Variants in HECTD3 observed in about 807,000 individuals in gnomAD.
HECTD3 encodes E3 ubiquitin-protein ligase HECTD3.
HECTD3 carries 72 observed loss-of-function variants against 109.3 expected under a neutral mutation model. The ratio of observed to expected loss-of-function variants is 0.66; its 90% CI spans 0.54 to 0.80. The LOEUF (loss-of-function observed/expected upper bound fraction) is 0.80, where lower values mean the gene tolerates loss of function less well. Among genes scored for constraint, HECTD3 ranks in the 30% least tolerant of loss-of-function variants. HECTD3 has a pLI of 0.00. For missense variants in HECTD3, 1,041 were observed against 1,165.2 expected (o/e 0.89, Z 1.55); for synonymous variants, 481 against 471.8 (o/e 1.02, Z -0.25).
Position 45,006,605 on chromosome 1 carries a change from T to G in HECTD3, c.1725+87A>C. 4.3e-6 allele frequency: 5 copies of G among 1,157,502 alleles called. No homozygotes were observed. The highest frequency in any genetic ancestry group is 2.9e-5 in the South Asian group (2 of 70,140). The allele number at this position is 1,157,502 out of a possible 1,614,324, so 71.7% of individuals were successfully genotyped here. A position where few individuals can be genotyped will look rare whatever the true frequency, so the allele number is the denominator to read the frequency against. Reference sequence around the variant, plus strand: ...GCGTGAGCCACTGTGCCTGCCCCCTTTCTAGCTCAATCTGGCCCCCTCCTC... The same window carrying G: ...GCGTGAGCCACTGTGCCTGCCCCCTGTCTAGCTCAATCTGGCCCCCTCCTC... On this transcript the variant is annotated intron_variant, in intron 13 of 20. Transcript: ENST00000372172. The surrounding 1 kb of genome is among the most constrained non-coding windows in gnomAD (Gnocchi z 4.7).
intron 9 of HECTD3, 52 bp downstream of exon 9, chr1:45,008,188 A>T: frequency 7.1e-7 from 1 of 1,400,774 alleles, no homozygotes; most frequent in Non-Finnish European, 1.0e-6. Flanking sequence ...ATGAACAACT[A>T]CGTGAGCAGG....
In HECTD3 at chr1:45,004,801, C is replaced by T. The variant is rs746104281; in HGVS notation, c.1941G>A (p.Lys647=). 3 of 1,614,116 alleles carry T rather than the reference C, an allele frequency of 1.9e-6. No individual in the cohort carries two copies. Among genetic ancestry groups the T allele is most frequent in the Admixed American group, 3.3e-5 (2 of 60,024 alleles). ...CCATTCCTTCCATCACTTCCAGGAGCTTCACCTAGGGGTTGGAGAGAGGCA... is the reference window on the plus strand; with the variant it reads ...CCATTCCTTCCATCACTTCCAGGAGTTTCACCTAGGGGTTGGAGAGAGGCA... ...DFPAVDSVLV[K]LLEVMEGMDK... Residue 647 remains lysine, a synonymous_variant, in exon 16 of 21, where the codon AAG becomes AAA. Transcript: ENST00000372172.
Position 45,011,014 on chromosome 1 carries a change from G to A in HECTD3, c.244C>T (p.Pro82Ser), listed in dbSNP as rs774712115. 2.1e-6 allele frequency: 3 copies of A among 1,436,612 alleles called. No individual in the cohort carries two copies. Among genetic ancestry groups the A allele is most frequent in the South Asian group, 1.4e-5 (1 of 69,854 alleles). The allele number at this position is 1,436,612 out of a possible 1,614,324, so 89.0% of individuals were successfully genotyped here. Residue 82 changes from proline to serine, a missense_variant, in exon 1 of 21, where the codon CCC (proline) becomes TCC (serine). Transcript: ENST00000372172. ...GLRVGAAGPA[P>S]GTGSGPLRAA... ...CGGAGGGGCCCGGAGCCGGTACCGG[G>A]GGCTGGGCCTGCGGCGCCCACACGC...
At chr1:45,008,139 G>T in intron 9 of HECTD3, 101 bp downstream of exon 9, 1 of 885,006 alleles carries the variant, frequency 1.1e-6, no homozygotes, top group Non-Finnish European at 1.8e-6. Context: ...CCCAGCAAAG[G>T]TCTTGCCCTA....
At position 45,004,657 on chromosome 1, in the gene HECTD3, G is replaced by A. The variant is rs757083355; in HGVS notation, c.2085C>T (p.Asp695=). Residue 695 remains aspartate, a synonymous_variant, in exon 16 of 21, where the codon GAC becomes GAT. Transcript: ENST00000372172. ...GGACCAGTTGGATGAAACGAGAACG[G>A]TCCCCATATCCCACGACGATGCCTG... ...GGAGIVVGYG[D]RSRFIQLVQK... is the part of the protein sequence containing the mutation. The A allele has an allele frequency of 3.1e-6, 5 of 1,614,150 alleles. No individual in the cohort carries two copies. The South Asian group carries it at 5.5e-5, about 18-fold the overall frequency.
At chr1:45,004,509 T>G (rs920144720) in intron 16 of HECTD3, 91 bp downstream of exon 16, 2 of 1,589,386 alleles carry the variant, frequency 1.3e-6, no homozygotes, top group Non-Finnish European at 1.7e-6. Flanking sequence ...GTTCTTGGAG[T>G]ACTGGTGGCT....
At chr1:45,007,993 A>C (rs1287666133) in intron 9 of HECTD3, among the ~76,000 whole-genome samples, 2 of 152,012 alleles carry the variant, frequency 1.3e-5, no homozygotes, top group Non-Finnish European at 2.9e-5. Context: ...TGTACCTTTC[A>C]CGCAAACTGC....
In HECTD3 at chr1:45,009,363, GCTCA is replaced by G; in HGVS notation, c.989+2_989+5del. ...CCTACTTCCCTCCCCAGGCCAGCGT[GCTCA>G]CTCGTCAATGCTCACGTCACTCAGC... On this transcript the variant is annotated splice_donor_variant and splice_donor_5th_base_variant and intron_variant, in intron 6 of 20. Transcript: ENST00000372172. LOFTEE classifies it high-confidence loss of function. The G allele has an allele frequency of 1.2e-6, 2 of 1,602,580 alleles. No individual in the cohort carries two copies. Among genetic ancestry groups the G allele is most frequent in the Non-Finnish European group, 1.7e-6 (2 of 1,169,710 alleles).
rs773737357 is a variant in HECTD3 at position 45,004,622 on chromosome 1, C to T, written c.2120G>A (p.Arg707Gln). 8 of 1,614,038 alleles carry T rather than the reference C, an allele frequency of 5.0e-6. No homozygotes were observed. Among genetic ancestry groups the T allele is most frequent in the East Asian group, 2.2e-5 (1 of 44,892 alleles). ...SRFIQLVQKA[R>Q]LEESKEQVAA... ...TACCTGCTCCTTGCTCTCCTCTAGC[C>T]GTGCCTTCTGGACCAGTTGGATGAA... Residue 707 changes from arginine to glutamine, a missense_variant, in exon 16 of 21, where the codon CGG becomes CAG. This residue lies in a region of HECTD3 where 569 missense variants were observed against 715.3 expected (regional missense o/e 0.80). Transcript: ENST00000372172.
rs761518802 is a variant in HECTD3 at position 45,004,092 on chromosome 1, T to C, written c.2315A>G (p.Tyr772Cys). ...DFEPSDSRVQ[Y>C]FWEALNNFTN... is the part of the protein sequence containing the mutation. ...GAAGTTGTTCAGTGCCTCCCAGAAA[T>C]ACTGCACCCGCGAGTCAGATGGCTC... is the stretch of plus-strand genomic sequence containing the variant. Residue 772 changes from tyrosine to cysteine, a missense_variant, in exon 18 of 21, where the codon TAT (tyrosine) becomes TGT (cysteine). Tyr to Cys is a radical substitution (Grantham distance 194, BLOSUM62 -2). This residue lies in a region of HECTD3 where 569 missense variants were observed against 715.3 expected (regional missense o/e 0.80). Transcript: ENST00000372172. The C allele has an allele frequency of 6.2e-7, 1 of 1,614,016 alleles. No individual in the cohort carries two copies. Among genetic ancestry groups the C allele is most frequent in the South Asian group, 1.1e-5 (1 of 91,084 alleles).
rs1426192216 is a variant in HECTD3 at position 45,002,583 on chromosome 1, A to C, written c.*909T>G. 2.0e-5 allele frequency: 3 copies of C among 152,300 alleles called. No homozygotes were observed. In the East Asian group the frequency reaches 5.8e-4, roughly 29 times the overall value. The allele number at this position is 152,300 out of a possible 1,614,324, so 9.4% of individuals were successfully genotyped here. ...CATTTATTCAACTTTCCGGTATGCA[A>C]GAACTTCTTTTCATGGAGTGTCACG... On this transcript the variant is annotated 3_prime_UTR_variant, in exon 21 of 21. Coordinates refer to ENST00000372172, the MANE Select transcript of HECTD3 (RefSeq NM_024602.6).
chr1:45,005,939 G>A, intron 14 of HECTD3, 56 bp from the exon 15 acceptor site: 1 of 1,606,808 alleles, frequency 6.2e-7, no homozygotes, highest in South Asian at 1.1e-5. Flanking sequence ...AGGTTTGGCT[G>A]GCCTTTCCTT....
intron 15 of HECTD3, chr1:45,005,455 T>C (rs1644727387): frequency 4.1e-6 from 1 of 246,346 alleles, no homozygotes; most frequent in African/African-American, 2.2e-5. Context: ...CCTGTGGGCT[T>C]TGGGATGGGG....
Position 45,010,991 on chromosome 1 carries a change from G to C in HECTD3, c.267C>G (p.Leu89=). The change falls in exon 1 of 21, where the codon CTC becomes CTG. Residue 89 remains leucine (L), a synonymous_variant. Coordinates refer to ENST00000372172, the MANE Select transcript of HECTD3 (RefSeq NM_024602.6). ...GCTCAATGCTGTCGCGGGCGGCGCGGAGGGGCCCGGAGCCGGTACCGGGGG... is the reference window on the plus strand; with the variant it reads ...GCTCAATGCTGTCGCGGGCGGCGCGCAGGGGCCCGGAGCCGGTACCGGGGG... ...GPAPGTGSGP[L]RAARDSIELR... is the part of the protein sequence containing the mutation. The C allele has an allele frequency of 6.8e-7, 1 of 1,478,692 alleles. No homozygotes were observed. The highest frequency in any genetic ancestry group is 8.9e-7 in the Non-Finnish European group (1 of 1,127,936). 91.6% of individuals were successfully genotyped at this position (1,478,692 alleles called of 1,614,324 possible).
chr1:45,007,001 T>C lies in HECTD3; in HGVS notation c.1571A>G (p.Tyr524Cys). 2.5e-6 allele frequency: 4 copies of C among 1,614,114 alleles called. No homozygotes were observed. In the South Asian group the frequency reaches 4.4e-5, roughly 18 times the overall value. ...KPLDYRWPMR[Y>C]DQWWECKFIA... ...AAATTTACACTCCCACCACTGGTCATAGCGCATGGGCCACCTGCAAAAAAC... is the reference window on the plus strand; with the variant it reads ...AAATTTACACTCCCACCACTGGTCACAGCGCATGGGCCACCTGCAAAAAAC... The change falls in exon 12 of 21, where the codon TAT becomes TGT. Residue 524 changes from tyrosine (Y) to cysteine (C), a missense_variant. Physicochemically the swap from Tyr to Cys is radical, Grantham distance 194 (BLOSUM62 -2). Coordinates refer to ENST00000372172, the MANE Select transcript of HECTD3 (RefSeq NM_024602.6).
At position 45,006,994 on chromosome 1, in the gene HECTD3, C is replaced by T; in HGVS notation, c.1578G>A (p.Gln526=). The T allele has an allele frequency of 1.2e-6, 2 of 1,614,172 alleles. No homozygotes were observed. The highest frequency in any genetic ancestry group is 1.7e-6 in the Non-Finnish European group (2 of 1,180,048). ...CTGCAATAAATTTACACTCCCACCA[C>T]TGGTCATAGCGCATGGGCCACCTGC... ...LDYRWPMRYD[Q]WWECKFIAEG... The change falls in exon 12 of 21, where the codon CAG becomes CAA. Residue 526 remains glutamine, a synonymous_variant. Transcript: ENST00000372172. This position sits in a 1 kb window ranked among gnomAD's most constrained non-coding sequence, Gnocchi z 4.7.
chr1:45,007,309 ACCTGGCC>A (rs1195840120), intron 10 of HECTD3, 38 bp from the exon 11 acceptor site: 1 of 1,607,078 alleles, frequency 6.2e-7, no homozygotes, highest in Admixed American at 1.7e-5. Context: ...GGAAAGCAAG[ACCTGGCC>A]CTATACTTGC....
At position 45,003,882 on chromosome 1, in the gene HECTD3, C is replaced by T. The variant is rs781527141; in HGVS notation, c.2402G>A (p.Arg801Gln). The change falls in exon 19 of 21, where the codon CGG (arginine) becomes CAG (glutamine). Residue 801 changes from arginine to glutamine, a missense_variant. Coordinates refer to ENST00000372172, the MANE Select transcript of HECTD3 (RefSeq NM_024602.6). This position sits in a 1 kb window ranked among gnomAD's most constrained non-coding sequence, Gnocchi z 4.7. ...CAGCTTGTCTGGGTAGATGTAGATC[C>T]GTGCTGGCAGGCGACTGCGGCCCGT... is the stretch of plus-strand genomic sequence containing the variant. ...FVTGRSRLPA[R>Q]IYIYPDKLGY... 8 of 1,613,198 alleles carry T rather than the reference C, an allele frequency of 5.0e-6. No homozygotes were observed. Among genetic ancestry groups the T allele is most frequent in the East Asian group, 2.2e-5 (1 of 44,862 alleles).
At position 45,010,569 on chromosome 1, in the gene HECTD3, G is replaced by A. The variant is rs992422401; in HGVS notation, c.507C>T (p.Gly169=). 3 of 1,613,624 alleles carry A rather than the reference G, an allele frequency of 1.9e-6. No homozygotes were observed. The highest frequency in any genetic ancestry group is 2.2e-5 in the South Asian group (2 of 91,072). ...ACCTGAGCACCGGCCGATAATCCAC[G>A]CCAAAGAGCTGCTGCTGCCGCTGGA... ...NHLQRQQQLF[G]VDYRPVLRWE... The change falls in exon 2 of 21, where the codon GGC becomes GGT. Residue 169 remains glycine (G), a synonymous_variant. Transcript: ENST00000372172.
Sources: allele counts gnomAD v4.1 joint callset (sites outside exome capture counted in the v4.1 genomes callset), GRCh38; gene constraint gnomAD v4.1.1; regional missense constraint gnomAD v4.1.1; non-coding constraint Gnocchi (gnomAD v3.1); transcripts MANE v1.5; gene names NCBI Gene and HGNC (gene_info 2026-07-23, HGNC 2026-07-21).